The following TRHDE variants were observed in gnomAD, a reference collection of about 807,000 sequenced individuals.
TRHDE encodes thyrotropin-releasing hormone-degrading ectoenzyme.
Under a neutral mutation model 125.7 loss-of-function variants are expected in TRHDE, and 72 were observed. The ratio of observed to expected loss-of-function variants is 0.57; its 90% CI spans 0.47 to 0.70. TRHDE has a LOEUF of 0.70. Among genes scored for constraint, TRHDE ranks in the 30% least tolerant of loss-of-function variants. TRHDE has a pLI of 0.00. For synonymous variants in TRHDE, 509 were observed against 509.1 expected, an observed-to-expected ratio of 1.00 and a Z score of 0.00; for missense variants, 1,110 against 1,327.1, an observed-to-expected ratio of 0.84 and a Z score of 2.54.
intron 6 of TRHDE, among the ~76,000 whole-genome samples, chr12:72,500,849 C>CTTTTTTTT (rs11314911): frequency 1.5e-3 from 160 of 108,466 alleles, no homozygotes; most frequent in East Asian, 2.2e-3. Context: ...CAACTTTGTT[C>CTTTTTTTT]TTTTTTTTTT....
Position 72,588,963 on chromosome 12 carries a change from A to C in TRHDE, c.2321+13421A>C, listed in dbSNP as rs557914563. Among the ~76,000 whole-genome samples, 135 of 152,280 alleles carry C rather than the reference A, an allele frequency of 8.9e-4. 1 individual carries two copies. Among genetic ancestry groups the C allele is most frequent in the African/African-American group, 3.2e-3 (131 of 41,570 alleles). The stretch of plus-strand genomic sequence containing the variant: ...GAAAAACCCCTTTTAAAACCATCAG[A>C]TCTCCTGAGAACTCACTATCACAAG... On this transcript the variant is annotated intron_variant, in intron 12 of 18. Transcript: ENST00000261180.
At chr12:72,165,922 G>A (rs1426393471) in intron 2 of TRHDE, among the ~76,000 whole-genome samples, 3 of 152,000 alleles carry the variant, frequency 2.0e-5, no homozygotes, top group East Asian at 1.9e-4. Context: ...TGATCTGCCC[G>A]CCATGGCCTC....
At chr12:72,169,434 C>T (rs1052259710) in intron 2 of TRHDE, among the ~76,000 whole-genome samples, 12 of 152,160 alleles carry the variant, frequency 7.9e-5, no homozygotes, top group South Asian at 2.1e-4. Flanking sequence ...GGAGGCTAGA[C>T]GTCTCAGATC....
intron 7 of TRHDE, among the ~76,000 whole-genome samples, chr12:72,558,138 C>T (rs1380116733): frequency 6.6e-6 from 1 of 152,120 alleles, no homozygotes; most frequent in Non-Finnish European, 1.5e-5. Context: ...AGGATCATTA[C>T]TCTCACGGAT....
intron 2 of TRHDE, among the ~76,000 whole-genome samples, chr12:72,127,379 A>T (rs534349959): frequency 1.3e-5 from 2 of 152,236 alleles, no homozygotes; most frequent in African/African-American, 4.8e-5. Context: ...AAAAAGACAC[A>T]TGTACTCATA....
chr12:72,426,592 C>G (rs772512040), intron 3 of TRHDE, among the ~76,000 whole-genome samples: 2 of 151,940 alleles, frequency 1.3e-5, no homozygotes, highest in Non-Finnish European at 2.9e-5. Context: ...TAGTAGGTTA[C>G]TTGCCAAAGG....
chr12:72,570,578 C>CAAAAAA (rs572094533), intron 10 of TRHDE, among the ~76,000 whole-genome samples: 1 of 58,454 alleles, frequency 1.7e-5, no homozygotes, highest in African/African-American at 4.1e-5. Context: ...GAGACTGTCT[C>CAAAAAA]AAAAAAAAAA....
At chr12:72,536,262 C>T (rs1372048611) in intron 6 of TRHDE, among the ~76,000 whole-genome samples, 1 of 152,100 alleles carries the variant, frequency 6.6e-6, no homozygotes, top group East Asian at 1.9e-4. Context: ...GTGTGGACTT[C>T]TGCACTAAAA....
intron 2 of TRHDE, among the ~76,000 whole-genome samples, chr12:72,153,899 A>G (rs1416771357): frequency 1.3e-5 from 2 of 152,160 alleles, no homozygotes; most frequent in African/African-American, 2.4e-5. Flanking sequence ...AGTTCTGTAG[A>G]TGTCTATTAG....
At chr12:72,157,231 A>G (rs1876535990) in intron 2 of TRHDE, among the ~76,000 whole-genome samples, 1 of 151,930 alleles carries the variant, frequency 6.6e-6, no homozygotes, top group African/African-American at 2.4e-5. Context: ...ATAGAATGTG[A>G]AGACAGTGAT....
At chr12:72,400,160 T>G (rs1427808925) in intron 3 of TRHDE, among the ~76,000 whole-genome samples, 1 of 152,128 alleles carries the variant, frequency 6.6e-6, no homozygotes, top group Admixed American at 6.5e-5. Flanking sequence ...ATTTTCTATC[T>G]GATTAGGCAA....
intron 2 of TRHDE, among the ~76,000 whole-genome samples, chr12:72,189,696 G>C (rs1877299903): frequency 6.6e-6 from 1 of 152,210 alleles, no homozygotes; most frequent in South Asian, 2.1e-4. Context: ...ATAATGCTTA[G>C]GGGGTCGCTT....
chr12:72,576,442 TCTCTTCCA>T (rs1870998984), intron 12 of TRHDE, among the ~76,000 whole-genome samples: 2 of 152,082 alleles, frequency 1.3e-5, no homozygotes, highest in African/African-American at 2.4e-5. Flanking sequence ...AAAATTCAAT[TCTCTTCCA>T]TATGTTAAAA....
At chr12:72,280,033 A>T (rs2139418607) in intron 1 of TRHDE, among the ~76,000 whole-genome samples, 1 of 152,330 alleles carries the variant, frequency 6.6e-6, no homozygotes, top group East Asian at 1.9e-4. Context: ...TTTAAAAAAT[A>T]GTTCACTTTT....
At chr12:72,420,479 T>C (rs1272691141) in intron 3 of TRHDE, among the ~76,000 whole-genome samples, 1 of 152,166 alleles carries the variant, frequency 6.6e-6, no homozygotes, top group Non-Finnish European at 1.5e-5. Flanking sequence ...TTATATTCAA[T>C]GGGTGTGGAT....
intron 6 of TRHDE, among the ~76,000 whole-genome samples, chr12:72,511,758 C>G (rs528023688): frequency 6.6e-6 from 1 of 152,066 alleles, no homozygotes; most frequent in South Asian, 2.1e-4. Context: ...TTTTCCTGTG[C>G]GAACCTTAAC....
intron 2 of TRHDE, among the ~76,000 whole-genome samples, chr12:72,337,487 C>T (rs769180714): frequency 1.1e-4 from 16 of 152,054 alleles, no homozygotes; most frequent in South Asian, 2.1e-4. Flanking sequence ...TCAGAGACAG[C>T]GAGTAGTTTC....
At chr12:72,648,312 G>A (rs1372017460) in intron 15 of TRHDE, among the ~76,000 whole-genome samples, 1 of 152,064 alleles carries the variant, frequency 6.6e-6, no homozygotes, top group Non-Finnish European at 1.5e-5. Context: ...GTGAAAAATT[G>A]AAAGCTTTTC....
chr12:72,570,525 G>A (rs1373523997), intron 10 of TRHDE, among the ~76,000 whole-genome samples: 1 of 144,026 alleles, frequency 6.9e-6, no homozygotes, highest in Non-Finnish European at 1.5e-5. Context: ...AGGTTGCAGT[G>A]AGCCGAGATC....
Sources: allele counts gnomAD v4.1 joint callset (sites outside exome capture counted in the v4.1 genomes callset), GRCh38; gene constraint gnomAD v4.1.1; transcripts MANE v1.5; gene names NCBI Gene and HGNC (gene_info 2026-07-23, HGNC 2026-07-21).